KPNA3: variants seen among roughly 807,000 people sequenced by gnomAD.
The protein encoded by KPNA3 is karyopherin subunit alpha 3.
A neutral mutation model predicts 73.8 loss-of-function variants in KPNA3; 13 were observed. The observed-to-expected ratio is 0.18, with a 90% CI of 0.11 to 0.28. KPNA3 has a LOEUF of 0.28. KPNA3 is among the 10% of genes least tolerant of loss of function. KPNA3 has a pLI of 1.00. For synonymous variants in KPNA3, 186 were observed against 206.9 expected (o/e 0.90, Z 0.87); for missense variants, 360 against 618.1 (o/e 0.58, Z 4.43).
At chr13:49,737,392 G>C (rs1954531485) in intron 2 of KPNA3, among the ~76,000 whole-genome samples, 1 of 152,176 alleles carries the variant, frequency 6.6e-6, no homozygotes, top group Non-Finnish European at 1.5e-5. Flanking sequence ...TAGCTGTTCT[G>C]ATAGATGTGT....
At chr13:49,711,374 CAAG>C (rs1384866432) in intron 10 of KPNA3, among the ~76,000 whole-genome samples, 3 of 152,322 alleles carry the variant, frequency 2.0e-5, no homozygotes, top group Admixed American at 2.0e-4. Flanking sequence ...ACACTATTTA[CAAG>C]AATGAGGCCA....
intron 2 of KPNA3, among the ~76,000 whole-genome samples, chr13:49,734,914 T>TATATAC (rs1444895724): frequency 1.4e-5 from 2 of 139,936 alleles, no homozygotes; most frequent in South Asian, 2.5e-4. Flanking sequence ...TATATATATA[T>TATATAC]ACACACACAT....
intron 2 of KPNA3, among the ~76,000 whole-genome samples, chr13:49,741,345 A>G (rs1408115424): frequency 6.6e-6 from 1 of 152,118 alleles, no homozygotes; most frequent in Non-Finnish European, 1.5e-5. Context: ...GTGTAAGATG[A>G]TATCTCACAG....
intron 8 of KPNA3, 36 bp from the exon 9 acceptor site, chr13:49,722,160 C>T: frequency 7.2e-7 from 1 of 1,390,502 alleles, no homozygotes; most frequent in Non-Finnish European, 9.6e-7. Flanking sequence ...AAAAAACTTA[C>T]ATTCAGGATG....
intron 10 of KPNA3, 51 bp from the exon 11 acceptor site, chr13:49,711,073 T>C (rs1454554500): frequency 1.3e-6 from 2 of 1,545,554 alleles, no homozygotes; most frequent in Non-Finnish European, 1.7e-6. Context: ...TTGAATGCTT[T>C]ACTTGTTCAA....
chr13:49,741,061 G>C (rs1202350176), intron 2 of KPNA3, among the ~76,000 whole-genome samples: 1 of 152,090 alleles, frequency 6.6e-6, no homozygotes, highest in Admixed American at 6.6e-5. Context: ...TGGACATTTG[G>C]GCTGATTCCT....
chr13:49,719,689 G>T, intron 10 of KPNA3, 86 bp downstream of exon 10: 2 of 889,646 alleles, frequency 2.2e-6, no homozygotes, highest in Non-Finnish European at 3.7e-6. Flanking sequence ...TTGACAAGTT[G>T]ATAAAATGTA....
intron 2 of KPNA3, among the ~76,000 whole-genome samples, chr13:49,745,961 G>C (rs972477575): frequency 4.6e-5 from 7 of 151,336 alleles, no homozygotes; most frequent in Non-Finnish European, 1.0e-4. Flanking sequence ...TACTTGGGAG[G>C]CTGAGGCAGA....
chr13:49,769,101 T>A (rs772719256), intron 1 of KPNA3, among the ~76,000 whole-genome samples: 8 of 152,126 alleles, frequency 5.3e-5, no homozygotes, highest in Non-Finnish European at 8.8e-5. Flanking sequence ...TAAAGAAAAA[T>A]TAATGTATTT....
intron 2 of KPNA3, among the ~76,000 whole-genome samples, chr13:49,746,243 T>C (rs1954616555): frequency 6.6e-6 from 1 of 152,096 alleles, no homozygotes; most frequent in South Asian, 2.1e-4. Flanking sequence ...AGTCCAGGAA[T>C]TCAAGGCCAG....
rs146375342 is a variant in KPNA3, at chr13:49,734,129, T to A, written c.115-1083A>T. Among the ~76,000 whole-genome samples, 1,160 of 152,376 alleles carry A rather than the reference T, an allele frequency of 7.6e-3. 12 individuals are homozygous for A. Among genetic ancestry groups the A allele is most frequent in the Middle Eastern group, 0.031 (9 of 294 alleles). ...TTCTAAAATTCCTGGTATTTTGTTG[T>A]TGTTCCTTCTCTCTACTTGCTATAA... On this transcript the variant is annotated intron_variant, in intron 2 of 16. Transcript: ENST00000261667.
chr13:49,787,600 C>T (rs933372592), intron 1 of KPNA3, among the ~76,000 whole-genome samples: 6 of 152,050 alleles, frequency 3.9e-5, no homozygotes, highest in Admixed American at 1.3e-4. Context: ...TCTGCCTCCC[C>T]GGTTCAAGTG....
At chr13:49,780,759 T>G (rs1954934858) in intron 1 of KPNA3, among the ~76,000 whole-genome samples, 1 of 149,738 alleles carries the variant, frequency 6.7e-6, no homozygotes. Flanking sequence ...CTCACTCCAT[T>G]GCCCAGGCTG....
At chr13:49,710,531 T>C (rs139754905) in intron 11 of KPNA3, among the ~76,000 whole-genome samples, 149 of 152,318 alleles carry the variant, frequency 9.8e-4, no homozygotes, top group African/African-American at 3.3e-3. Flanking sequence ...GAATGGGAAT[T>C]GCAAGGAGGA....
chr13:49,772,419 T>C (rs757973930), intron 1 of KPNA3, among the ~76,000 whole-genome samples: 4 of 152,114 alleles, frequency 2.6e-5, no homozygotes, highest in Non-Finnish European at 5.9e-5. Context: ...CAAAACAAAG[T>C]ATTGGTGAGC....
intron 1 of KPNA3, among the ~76,000 whole-genome samples, chr13:49,770,636 T>C (rs1327300313): frequency 2.0e-5 from 3 of 152,148 alleles, no homozygotes; most frequent in African/African-American, 4.8e-5. Context: ...TGTTTTCTTC[T>C]GAGAAGTTTA....
At chr13:49,785,799 A>G (rs1954977731) in intron 1 of KPNA3, among the ~76,000 whole-genome samples, 1 of 152,192 alleles carries the variant, frequency 6.6e-6, no homozygotes, top group Admixed American at 6.5e-5. Flanking sequence ...AGATTCCTGA[A>G]ACACTTTACA....
intron 16 of KPNA3, 96 bp from the exon 17 acceptor site, chr13:49,701,994 T>C (rs1236183590): frequency 5.4e-6 from 4 of 739,794 alleles, no homozygotes; most frequent in African/African-American, 3.6e-5. Context: ...AATAATTCTA[T>C]GTGAATGCTT....
intron 2 of KPNA3, among the ~76,000 whole-genome samples, chr13:49,742,331 A>T (rs1258337097): frequency 6.6e-6 from 1 of 151,982 alleles, no homozygotes; most frequent in African/African-American, 2.4e-5. Context: ...TCCAGTTACT[A>T]TGGTTCGATT....
Sources: allele counts gnomAD v4.1 joint callset (sites outside exome capture counted in the v4.1 genomes callset), GRCh38; gene constraint gnomAD v4.1.1; transcripts MANE v1.5; gene names NCBI Gene and HGNC (gene_info 2026-07-23, HGNC 2026-07-21).